Variants in CD44 observed in about 807,000 individuals in gnomAD.
CD44 encodes the protein CD44 antigen.
A neutral mutation model predicts 88.8 loss-of-function variants in CD44; 49 were observed. The observed-to-expected ratio is 0.55, with a 90% confidence interval of 0.44 to 0.70. The LOEUF (loss-of-function observed/expected upper bound fraction) is 0.70. CD44 is among the 30% of genes least tolerant of loss of function. CD44 has a pLI of 0.00. For synonymous variants in CD44, 325 were observed against 312.3 expected (o/e 1.04, Z -0.43); for missense variants, 883 against 913.8 (o/e 0.97, Z 0.43).
chr11:35,212,261 C>A (rs1948460003), intron 14 of CD44, among the ~76,000 whole-genome samples: 1 of 152,088 alleles, frequency 6.6e-6, no homozygotes, highest in East Asian at 1.9e-4. Flanking sequence ...CTTCCTAGTA[C>A]TAGTTTTTCA....
At chr11:35,203,276 TTA>T (rs1285990964) in intron 9 of CD44, among the ~76,000 whole-genome samples, 1 of 150,412 alleles carries the variant, frequency 6.6e-6, no homozygotes, top group East Asian at 2.0e-4. Flanking sequence ...AAAAAAATCA[TTA>T]TGTTTATAAA....
intron 16 of CD44, among the ~76,000 whole-genome samples, chr11:35,221,282 C>T (rs1203023330): frequency 6.6e-6 from 1 of 152,074 alleles, no homozygotes; most frequent in Non-Finnish European, 1.5e-5. Context: ...TAGGTGGATG[C>T]TCTTATACAG....
At chr11:35,200,106 T>A (rs1947174632) in intron 7 of CD44, among the ~76,000 whole-genome samples, 1 of 152,082 alleles carries the variant, frequency 6.6e-6, no homozygotes, top group Non-Finnish European at 1.5e-5. Context: ...AAGCACTTTT[T>A]CAGGCCTATT....
At chr11:35,214,804 G>T in intron 14 of CD44, 48 bp from the exon 15 acceptor site, 1 of 1,055,908 alleles carries the variant, frequency 9.5e-7, no homozygotes, top group Non-Finnish European at 1.3e-6. Flanking sequence ...GCAGATGGGA[G>T]TGTAAGTGAA....
chr11:35,163,588 G>A (rs1000331875), intron 1 of CD44, among the ~76,000 whole-genome samples: 1 of 152,132 alleles, frequency 6.6e-6, no homozygotes, highest in African/African-American at 2.4e-5. Context: ...TCTTGCTGTG[G>A]TCCCTACAGG....
intron 1 of CD44, among the ~76,000 whole-genome samples, chr11:35,146,507 T>C (rs553099225): frequency 3.9e-5 from 6 of 152,342 alleles, no homozygotes; most frequent in Admixed American, 1.3e-4. Context: ...GTGTTGACCA[T>C]GTACCAGCGC....
At chr11:35,189,693 T>C (rs1591154457) in intron 4 of CD44, 142 bp from the exon 5 acceptor site, 1 of 653,594 alleles carries the variant, frequency 1.5e-6, no homozygotes, top group Non-Finnish European at 2.8e-6. Context: ...TCTTAGTGCA[T>C]CTGCCACTCT....
intron 1 of CD44, among the ~76,000 whole-genome samples, chr11:35,162,711 C>T (rs766077732): frequency 2.0e-4 from 31 of 152,162 alleles, no homozygotes; most frequent in Non-Finnish European, 4.0e-4. Context: ...ACCTTTTGGC[C>T]CACATTTTAA....
intron 17 of CD44, among the ~76,000 whole-genome samples, chr11:35,226,934 G>A (rs975085433): frequency 7.0e-6 from 1 of 143,364 alleles, no homozygotes; most frequent in African/African-American, 2.7e-5. Flanking sequence ...ACCCAGGCTG[G>A]AGTGCGGTGA....
At chr11:35,224,403 T>C (rs1949546294) in intron 17 of CD44, among the ~76,000 whole-genome samples, 1 of 152,116 alleles carries the variant, frequency 6.6e-6, no homozygotes, top group Non-Finnish European at 1.5e-5. Flanking sequence ...GTTGGGTTGA[T>C]AGATACTGCG....
chr11:35,227,935 A>G (rs1439359667), intron 17 of CD44, among the ~76,000 whole-genome samples: 1 of 152,190 alleles, frequency 6.6e-6, no homozygotes, highest in Admixed American at 6.5e-5. Context: ...CTCAGTTTCC[A>G]TTGCTGTATT....
intron 17 of CD44, 34 bp from the exon 18 acceptor site, chr11:35,229,095 T>A: frequency 6.4e-7 from 1 of 1,551,904 alleles, no homozygotes; most frequent in Non-Finnish European, 8.9e-7. Flanking sequence ...GTCACTGCAA[T>A]CTTTCTGATA....
At chr11:35,155,323 G>T (rs1941712988) in intron 1 of CD44, among the ~76,000 whole-genome samples, 1 of 152,010 alleles carries the variant, frequency 6.6e-6, no homozygotes, top group Non-Finnish European at 1.5e-5. Flanking sequence ...AACTTTTTTT[G>T]CATTGGTAAC....
chr11:35,206,666 T>TGGGGG (rs144689531), intron 11 of CD44, among the ~76,000 whole-genome samples: 3 of 115,868 alleles, frequency 2.6e-5, no homozygotes, highest in South Asian at 2.7e-4. Context: ...TGGTGGGGGT[T>TGGGGG]GGTGGGGGGG....
At chr11:35,162,667 T>TCA (rs1364238266) in intron 1 of CD44, among the ~76,000 whole-genome samples, 1 of 152,170 alleles carries the variant, frequency 6.6e-6, no homozygotes, top group African/African-American at 2.4e-5. Context: ...AGCAATTAGT[T>TCA]CACAGGGCAG....
At chr11:35,179,167 CA>C (rs1279702998) in intron 2 of CD44, among the ~76,000 whole-genome samples, 1 of 152,214 alleles carries the variant, frequency 6.6e-6, no homozygotes, top group Non-Finnish European at 1.5e-5. Context: ...TTCAGACTCA[CA>C]GACATTTCCA....
intron 10 of CD44, 175 bp from the exon 11 acceptor site, chr11:35,205,937 G>C: frequency 7.9e-7 from 1 of 1,262,648 alleles, no homozygotes; most frequent in South Asian, 2.8e-5. Context: ...GAGCATGAGT[G>C]AACCCAAAGC....
chr11:35,140,325 C>T (rs1186370047), intron 1 of CD44, among the ~76,000 whole-genome samples: 3 of 152,232 alleles, frequency 2.0e-5, no homozygotes, highest in Admixed American at 6.5e-5. Context: ...TATGTATGTA[C>T]AGATAATTAC....
At chr11:35,142,928 C>T (rs1003771927) in intron 1 of CD44, among the ~76,000 whole-genome samples, 46 of 152,036 alleles carry the variant, frequency 3.0e-4, no homozygotes, top group African/African-American at 1.1e-3. Flanking sequence ...CTAGTGACTT[C>T]CCCTCTCTGC....
Sources: allele counts gnomAD v4.1 joint callset (sites outside exome capture counted in the v4.1 genomes callset), GRCh38; gene constraint gnomAD v4.1.1; transcripts MANE v1.5; gene names NCBI Gene and HGNC (gene_info 2026-07-23, HGNC 2026-07-21).